ACSBG1: variants seen among roughly 807,000 people sequenced by gnomAD.
ACSBG1 encodes acyl-CoA synthetase bubblegum family member 1, also known as long-chain-fatty-acid--CoA ligase ACSBG1.
A neutral mutation model predicts 80.2 loss-of-function variants in ACSBG1; 39 were observed. That is an observed-to-expected ratio of 0.49 (90% CI 0.38 to 0.64). ACSBG1 has a LOEUF of 0.64. ACSBG1 is among the 30% of genes least tolerant of loss of function. The pLI, the probability that ACSBG1 is intolerant of heterozygous loss-of-function variation, is 0.00. For missense variants in ACSBG1, 828 were observed against 966.4 expected (o/e 0.86, Z 1.90); for synonymous variants, 392 against 379.5 (o/e 1.03, Z -0.38).
In ACSBG1 at chr15:78,193,632, G is replaced by A; in HGVS notation, c.543-6C>T. ...AGATGCCAGTGACGATGCCACTGTA[G>A]GAGACCCAGGAAGATTCACCTTAGG... is the stretch of plus-strand genomic sequence containing the variant. On this transcript the variant is annotated splice_region_variant and splice_polypyrimidine_tract_variant and intron_variant, in intron 4 of 13. Coordinates refer to ENST00000258873, the MANE Select transcript of ACSBG1 (RefSeq NM_015162.5). 2 of 1,610,764 alleles carry A rather than the reference G, an allele frequency of 1.2e-6. No homozygotes were observed. The highest frequency in any genetic ancestry group is 1.7e-6 in the Non-Finnish European group (2 of 1,178,488).
At chr15:78,223,304 C>T (rs1002267735) in intron 1 of ACSBG1, among the ~76,000 whole-genome samples, 1 of 151,998 alleles carries the variant, frequency 6.6e-6, no homozygotes, top group African/African-American at 2.4e-5. Flanking sequence ...GGAGAAAAAC[C>T]ATCAGGAAAA....
intron 1 of ACSBG1, among the ~76,000 whole-genome samples, chr15:78,228,592 C>T (rs28638260): frequency 0.023 from 3,563 of 152,290 alleles, 164 homozygotes; most frequent in African/African-American, 0.081. Context: ...GGCGGACTTG[C>T]ATTCGGAAGT....
chr15:78,214,280 C>G (rs1449413972), intron 1 of ACSBG1, among the ~76,000 whole-genome samples: 2 of 152,048 alleles, frequency 1.3e-5, no homozygotes, highest in Non-Finnish European at 2.9e-5. Flanking sequence ...TCTCAGCCCC[C>G]TCTCCCACTT....
Position 78,182,019 on chromosome 15 carries a change from C to G in ACSBG1, c.1021G>C (p.Gly341Arg). 1 of 1,614,178 alleles carries G rather than the reference C, an allele frequency of 6.2e-7. No homozygotes were observed. The highest frequency in any genetic ancestry group is 8.5e-7 in the Non-Finnish European group (1 of 1,180,026). ...IAAQIYDLWT[G>R]IQWGAQVCFA... ...CAAACCTGGGCCCCCCACTGGATGC[C>G]TGTCCACAGGTCGTAGATCTGGGCG... Residue 341 changes from glycine (G) to arginine (R), a missense_variant, in exon 8 of 14, where the codon GGC becomes CGC. Coordinates refer to ENST00000258873, the MANE Select transcript of ACSBG1 (RefSeq NM_015162.5).
chr15:78,234,320 C>G, intron 1 of ACSBG1, 51 bp downstream of exon 1: 1 of 1,593,734 alleles, frequency 6.3e-7, no homozygotes, highest in Non-Finnish European at 8.5e-7. Context: ...AGAGCAAAGT[C>G]TAGAACTCGG....
At chr15:78,176,629 C>T (rs887340880) in intron 11 of ACSBG1, among the ~76,000 whole-genome samples, 55 of 152,206 alleles carry the variant, frequency 3.6e-4, no homozygotes, top group African/African-American at 1.3e-3. Flanking sequence ...AAAATCTCTA[C>T]ACTAGAAAAC....
At chr15:78,203,172 C>T (rs2075183850) in intron 2 of ACSBG1, among the ~76,000 whole-genome samples, 1 of 152,154 alleles carries the variant, frequency 6.6e-6, no homozygotes, top group South Asian at 2.1e-4. Context: ...TGTGCTCCAC[C>T]AACAGGGCAC....
chr15:78,233,114 G>A (rs532088169), intron 1 of ACSBG1, among the ~76,000 whole-genome samples: 3 of 152,210 alleles, frequency 2.0e-5, no homozygotes, highest in Admixed American at 2.0e-4. Context: ...GCCCTTGGGT[G>A]AGGAAGTCAG....
At chr15:78,208,431 C>T (rs1164319763) in intron 1 of ACSBG1, among the ~76,000 whole-genome samples, 1 of 152,176 alleles carries the variant, frequency 6.6e-6, no homozygotes, top group Non-Finnish European at 1.5e-5. Flanking sequence ...CAGCACCCCA[C>T]CTGGATGAGG....
rs144962090 is a variant in ACSBG1 at position 78,197,272 on chromosome 15, C to T, written c.233-2546G>A. ...GTGGGGAGTGACCGTGGAATAGGCA[C>T]AAGAGATCTTTTTGGGGTGAAGGAA... is the stretch of plus-strand genomic sequence containing the variant. On this transcript the variant is annotated intron_variant, in intron 2 of 13. Transcript: ENST00000258873. Among the ~76,000 whole-genome samples the T allele has an allele frequency of 9.2e-5, 14 of 152,078 alleles. No homozygotes were observed. The South Asian group carries it at 2.5e-3, about 27-fold the overall frequency.
In ACSBG1 at chr15:78,172,328, T is replaced by C. The variant is rs903013296; in HGVS notation, c.2090-799A>G. Among the ~76,000 whole-genome samples the C allele has an allele frequency of 1.1e-4, 17 of 152,256 alleles. No individual in the cohort carries two copies. The highest frequency in any genetic ancestry group is 5.9e-4 in the Admixed American group (9 of 15,292). ...TAGCTAGTACACATCATCTCTGCAT[T>C]TTTGTGAACGTTTATACAACGTTGG... On this transcript the variant is annotated intron_variant, in intron 13 of 13. Transcript: ENST00000258873. This position sits in a 1 kb window ranked among gnomAD's most constrained non-coding sequence, Gnocchi z 4.1.
rs2075478319 is a variant in ACSBG1 at position 78,234,532 on chromosome 15, G to A, written c.-31C>T. On this transcript the variant is annotated 5_prime_UTR_variant, in exon 1 of 14. Transcript: ENST00000258873. ...TCGGGCTTCCACTGAAGACAGCTCA[G>A]TCACCCACTGAGAGAGGCTAGCCTT... The A allele has an allele frequency of 6.3e-7, 1 of 1,597,180 alleles. No homozygotes were observed. Among genetic ancestry groups the A allele is most frequent in the Non-Finnish European group, 8.5e-7 (1 of 1,174,668 alleles).
Position 78,177,469 on chromosome 15 carries a change from C to T in ACSBG1, c.1702+1145G>A, listed in dbSNP as rs1053149143. On this transcript the variant is annotated intron_variant, in intron 11 of 13. Coordinates refer to ENST00000258873, the MANE Select transcript of ACSBG1 (RefSeq NM_015162.5). This position sits in a 1 kb window ranked among gnomAD's most constrained non-coding sequence, Gnocchi z 4.1. ...ACTATACTAGTTCTAAAAGGAGGGC[C>T]GGCTCTGGTTGAATTTGGTTTTCTG... 6.6e-6 allele frequency among the ~76,000 whole-genome samples: 1 copy of T among 152,144 alleles called. No individual in the cohort carries two copies. Among genetic ancestry groups the T allele is most frequent in the East Asian group, 1.9e-4 (1 of 5,200 alleles).
intron 1 of ACSBG1, among the ~76,000 whole-genome samples, chr15:78,227,817 A>G (rs919320291): frequency 6.6e-6 from 1 of 152,246 alleles, no homozygotes; most frequent in Non-Finnish European, 1.5e-5. Context: ...AGACGAATGA[A>G]CTACTGAGAC....
chr15:78,208,466 G>A (rs2075237341), intron 1 of ACSBG1, among the ~76,000 whole-genome samples: 1 of 152,204 alleles, frequency 6.6e-6, no homozygotes, highest in Non-Finnish European at 1.5e-5. Context: ...CGCACTGGAG[G>A]ATTCTGAATG....
intron 5 of ACSBG1, among the ~76,000 whole-genome samples, chr15:78,189,817 T>TATA (rs1275739777): frequency 6.6e-6 from 1 of 151,760 alleles, no homozygotes; most frequent in East Asian, 1.9e-4. Flanking sequence ...AAACTTAAAG[T>TATA]ATAATAATAA....
At position 78,194,555 on chromosome 15, in the gene ACSBG1, TAGG is replaced by T. The variant is rs1352173841; in HGVS notation, c.401_403del (p.Ser134del). Reference sequence around the variant, plus strand: ...GCGGGCGAGCAGGTAGTATTGGGAGTAGGAGATGTGTTCCCACTTGTCCTGGCG... The same window carrying T: ...GCGGGCGAGCAGGTAGTATTGGGAGTAGATGTGTTCCCACTTGTCCTGGCG... On this transcript the variant is annotated inframe_deletion, in exon 3 of 14. Transcript: ENST00000258873. 3.7e-6 allele frequency: 6 copies of T among 1,613,886 alleles called. No individual in the cohort carries two copies. The highest frequency in any genetic ancestry group is 1.3e-5 in the African/African-American group (1 of 74,864).
Position 78,177,645 on chromosome 15 carries a change from T to C in ACSBG1, c.1702+969A>G, listed in dbSNP as rs1347037710. Among the ~76,000 whole-genome samples, 1 of 152,082 alleles carries C rather than the reference T, an allele frequency of 6.6e-6. No individual in the cohort carries two copies. Among genetic ancestry groups the C allele is most frequent in the Non-Finnish European group, 1.5e-5 (1 of 68,010 alleles). ...CCTCCAGGGCTCATCAGCCTGCACA[T>C]CCCAGGGCCCAAACGCCACCGCGAC... On this transcript the variant is annotated intron_variant, in intron 11 of 13. Transcript: ENST00000258873. The surrounding 1 kb of genome is among the most constrained non-coding windows in gnomAD (Gnocchi z 4.1).
At position 78,170,068 on chromosome 15, in the gene ACSBG1, G is replaced by A. The variant is rs910509815; in HGVS notation, c.*1376C>T. 5 of 152,218 alleles carry A rather than the reference G, an allele frequency of 3.3e-5. No homozygotes were observed. Among genetic ancestry groups the A allele is most frequent in the Non-Finnish European group, 5.9e-5 (4 of 68,036 alleles). 9.4% of individuals were successfully genotyped at this position (152,218 alleles called of 1,614,324 possible). On this transcript the variant is annotated 3_prime_UTR_variant, in exon 14 of 14. Coordinates refer to ENST00000258873, the MANE Select transcript of ACSBG1 (RefSeq NM_015162.5). ...AGTATAAGATGACATTCCAAAGACT[G>A]GAGGCAACTCAGCCTGAGTTAATTC...
Sources: allele counts gnomAD v4.1 joint callset (sites outside exome capture counted in the v4.1 genomes callset), GRCh38; gene constraint gnomAD v4.1.1; non-coding constraint Gnocchi (gnomAD v3.1); transcripts MANE v1.5; gene names NCBI Gene and HGNC (gene_info 2026-07-23, HGNC 2026-07-21).